STK24: variants seen among roughly 807,000 people sequenced by gnomAD.
STK24 encodes serine/threonine kinase 24.
Under a neutral mutation model 55.6 loss-of-function variants are expected in STK24, and 21 were observed. That is an observed-to-expected ratio of 0.38 (90% confidence interval 0.27 to 0.54). The LOEUF (loss-of-function observed/expected upper bound fraction) is 0.54. Ranked by LOEUF, STK24 falls within the 20% of genes least tolerant of loss-of-function variation. The probability of loss-of-function intolerance (pLI) is 0.79; values close to 1 mark genes in which losing one functional copy is unlikely to be tolerated. For missense variants in STK24, 383 were observed against 538.4 expected, an observed-to-expected ratio of 0.71 and a Z score of 2.86; for synonymous variants, 200 against 215.2, an observed-to-expected ratio of 0.93 and a Z score of 0.62.
chr13:98,504,194 TAACTG>T (rs1000511467), intron 2 of STK24, among the ~76,000 whole-genome samples: 15 of 150,020 alleles, frequency 1.0e-4, no homozygotes, highest in African/African-American at 1.7e-4. Context: ...CAGCCTAACT[TAACTG>T]AAGACAAAAA....
intron 1 of STK24, among the ~76,000 whole-genome samples, chr13:98,532,267 C>T (rs767767370): frequency 7.9e-5 from 12 of 152,108 alleles, no homozygotes; most frequent in Non-Finnish European, 1.5e-4. Context: ...AGGCACCTCC[C>T]GGCACCTCAC....
chr13:98,526,766 G>C (rs1896441091), intron 1 of STK24, among the ~76,000 whole-genome samples: 1 of 152,138 alleles, frequency 6.6e-6, no homozygotes, highest in Non-Finnish European at 1.5e-5. Flanking sequence ...GTCAGCTCCT[G>C]GCCAAGACTT....
At position 98,546,928 on chromosome 13, in the gene STK24, T is replaced by A. The variant is rs145000572; in HGVS notation, c.43-27455A>T. On this transcript the variant is annotated intron_variant, in intron 1 of 10. Transcript: ENST00000539966. ...TTTTTTTTGTTTGTTTGTTTGTTTT[T>A]GAGATGGAGTTTCACTCTTGTTGCC... Among the ~76,000 whole-genome samples, 579 of 152,264 alleles carry A rather than the reference T, an allele frequency of 3.8e-3. 4 individuals carry two copies. The highest frequency in any genetic ancestry group is 0.013 in the African/African-American group (534 of 41,544).
At chr13:98,540,727 G>T (rs1896862483) in intron 1 of STK24, among the ~76,000 whole-genome samples, 1 of 117,358 alleles carries the variant, frequency 8.5e-6, no homozygotes, top group Non-Finnish European at 1.6e-5. Flanking sequence ...TATAACAACT[G>T]TTTCAGTACT....
Position 98,485,324 on chromosome 13 carries a change from G to A in STK24, c.274-3003C>T, listed in dbSNP as rs11839538. Among the ~76,000 whole-genome samples the A allele has an allele frequency of 4.6e-5, 7 of 152,248 alleles. No individual in the cohort carries two copies. In the South Asian group the frequency reaches 6.2e-4, roughly 14 times the overall value. On this transcript the variant is annotated intron_variant, in intron 2 of 10. Coordinates refer to ENST00000539966, the MANE Select transcript of STK24 (RefSeq NM_001032296.4). ...GGGAAGCCAGTGAGCCAGAAGTGCT[G>A]ATTGGTAAGAGATGAAATCACGGGG...
intron 1 of STK24, among the ~76,000 whole-genome samples, chr13:98,537,999 G>A (rs1238318267): frequency 6.6e-6 from 1 of 152,028 alleles, no homozygotes; most frequent in African/African-American, 2.4e-5. Context: ...AGGTCAGAGT[G>A]GGCAGGGCCT....
At chr13:98,507,709 T>C (rs1043214691) in intron 2 of STK24, among the ~76,000 whole-genome samples, 11 of 152,198 alleles carry the variant, frequency 7.2e-5, no homozygotes, top group Non-Finnish European at 1.3e-4. Flanking sequence ...CCACACTCCC[T>C]GGCTTCATTC....
rs80069251 is a variant in STK24, at chr13:98,532,693, C to T, written c.43-13220G>A. ...AAAGAATTGACAGATTTTTCTAGTC[C>T]TCAAATATTCTTTCGAAGAAAAGTG... On this transcript the variant is annotated intron_variant, in intron 1 of 10. Coordinates refer to ENST00000539966, the MANE Select transcript of STK24 (RefSeq NM_001032296.4). Among the ~76,000 whole-genome samples the T allele has an allele frequency of 9.8e-3, 1,494 of 152,272 alleles. 47 individuals are homozygous for T. In the East Asian group the frequency reaches 0.1, roughly 10 times the overall value.
rs35957882 is a variant in STK24, at chr13:98,540,763, C to CAAAAAAAAAAAAAAAA, written c.43-21306_43-21291dup. Among the ~76,000 whole-genome samples, 6 of 58,864 alleles carry CAAAAAAAAAAAAAAAA rather than the reference C, an allele frequency of 1.0e-4. 2 individuals carry two copies. The highest frequency in any genetic ancestry group is 9.8e-5 in the Non-Finnish European group (3 of 30,560). The allele number at this position is 58,864 out of a possible 152,430, so 38.6% of individuals were successfully genotyped here. A position where few individuals can be genotyped will look rare whatever the true frequency, so the allele number is the denominator to read the frequency against. ...GAGTGGTTAAGCTAAATATTAAAAG[C>CAAAAAAAAAAAAAAAA]AAAAAAAAAAAAAAAAAAAAGCCAT... On this transcript the variant is annotated intron_variant, in intron 1 of 10. Transcript: ENST00000539966.
chr13:98,573,100 G>A (rs1897785137), intron 1 of STK24, among the ~76,000 whole-genome samples: 1 of 152,152 alleles, frequency 6.6e-6, no homozygotes, highest in Admixed American at 6.5e-5. Flanking sequence ...TCCAAAATTC[G>A]AAACACTTGT....
At chr13:98,474,789 G>A in intron 5 of STK24, 32 bp downstream of exon 5, 1 of 1,571,766 alleles carries the variant, frequency 6.4e-7, no homozygotes, top group African/African-American at 1.4e-5. Context: ...CAGGCCTCGT[G>A]AGGCACGGCG....
intron 2 of STK24, among the ~76,000 whole-genome samples, chr13:98,492,280 A>C (rs2139325460): frequency 6.6e-6 from 1 of 152,256 alleles, no homozygotes; most frequent in South Asian, 2.1e-4. Flanking sequence ...GGTTCCTATT[A>C]AGGAAGGATG....
intron 2 of STK24, among the ~76,000 whole-genome samples, chr13:98,484,444 G>A (rs1016020277): frequency 6.6e-6 from 1 of 152,138 alleles, no homozygotes. Context: ...CAGCAGGGAG[G>A]TAATCTCCCC....
In STK24 at chr13:98,445,850, C is replaced by T. The variant is rs1892798430; in HGVS notation, c.*7323G>A. 2.6e-6 allele frequency: 1 copy of T among 385,274 alleles called. No homozygotes were observed. 23.9% of individuals were successfully genotyped at this position (385,274 alleles called of 1,614,324 possible). Reference sequence around the variant, plus strand: ...TGTTCTAAGGTACTGGTAGTCAGGACCTCAACGTGTCTTTTGGGGGGACAC... The same window carrying T: ...TGTTCTAAGGTACTGGTAGTCAGGATCTCAACGTGTCTTTTGGGGGGACAC... On this transcript the variant is annotated 3_prime_UTR_variant, in exon 11 of 11. Transcript: ENST00000539966.
intron 4 of STK24, 134 bp downstream of exon 4, chr13:98,475,116 T>TCAA: frequency 7.1e-7 from 1 of 1,413,282 alleles, no homozygotes; most frequent in Non-Finnish European, 9.5e-7. Context: ...TCAGACCCCC[T>TCAA]CAAAGCCAGC....
intron 2 of STK24, among the ~76,000 whole-genome samples, chr13:98,484,191 G>A (rs1047077095): frequency 6.6e-5 from 10 of 152,118 alleles, no homozygotes; most frequent in African/African-American, 2.4e-4. Flanking sequence ...ACACACGCTC[G>A]CCTGCAGGCT....
In STK24 at chr13:98,504,014, G is replaced by A. The variant is rs147178739; in HGVS notation, c.273+15229C>T. Among the ~76,000 whole-genome samples, 408 of 152,330 alleles carry A rather than the reference G, an allele frequency of 2.7e-3. 2 individuals are homozygous for A. The highest frequency in any genetic ancestry group is 6.8e-3 in the Middle Eastern group (2 of 294). The stretch of plus-strand genomic sequence containing the variant: ...TCATTACTGTCCCAGAGGGAGATGT[G>A]AAGTCTATGGAGAAGACAGAAAGAT... On this transcript the variant is annotated intron_variant, in intron 2 of 10. Coordinates refer to ENST00000539966, the MANE Select transcript of STK24 (RefSeq NM_001032296.4).
At chr13:98,548,393 C>G (rs1897080232) in intron 1 of STK24, among the ~76,000 whole-genome samples, 1 of 152,164 alleles carries the variant, frequency 6.6e-6, no homozygotes, top group South Asian at 2.1e-4. Flanking sequence ...AAAGAAGCAG[C>G]TGAATCACAA....
At chr13:98,475,082 C>G (rs1894313439) in intron 4 of STK24, 104 bp from the exon 5 acceptor site, 3 of 1,465,508 alleles carry the variant, frequency 2.0e-6, no homozygotes, top group Admixed American at 2.5e-5. Flanking sequence ...CCACCGAGCA[C>G]AGGCACCGGG....
Sources: gnomAD v4.1 joint callset for allele counts (sites outside exome capture counted in the v4.1 genomes callset) on GRCh38, gnomAD v4.1.1 for gene constraint, MANE v1.5 for transcripts, NCBI Gene and HGNC (gene_info 2026-07-23, HGNC 2026-07-21) for gene names.